Variants in PRMT1 observed in about 807,000 individuals in gnomAD.
The protein encoded by PRMT1 is protein arginine methyltransferase 1.
In PRMT1, 5 loss-of-function variants were observed where a neutral mutation model predicts 47.4. The ratio of observed to expected loss-of-function variants is 0.11; its 90% CI spans 0.06 to 0.22. PRMT1 has a LOEUF of 0.22. PRMT1 is among the 10% of genes least tolerant of loss of function. The pLI is 1.00. For synonymous variants in PRMT1, 227 were observed against 204.6 expected, an observed-to-expected ratio of 1.11 and a Z score of -0.94; for missense variants, 249 against 518.4, an observed-to-expected ratio of 0.48 and a Z score of 5.05.
chr19:49,684,879 G>A lies in PRMT1; in HGVS notation c.643+38G>A, dbSNP rs1432510696. 1.2e-6 allele frequency: 2 copies of A among 1,610,168 alleles called. No individual in the cohort carries two copies. The highest frequency in any genetic ancestry group is 1.7e-6 in the Non-Finnish European group (2 of 1,177,534). On this transcript the variant is annotated intron_variant, in intron 7 of 10. Transcript: ENST00000454376. The surrounding 1 kb of genome is among the most constrained non-coding windows in gnomAD (Gnocchi z 6.2). ...CGGGAGCTGGCGGGCGGGGCCTCGGGTGGGCTGCTGCGGGCTCACCCCCTC... is the reference window on the plus strand; with the variant it reads ...CGGGAGCTGGCGGGCGGGGCCTCGGATGGGCTGCTGCGGGCTCACCCCCTC...
At position 49,684,098 on chromosome 19, in the gene PRMT1, C is replaced by T. The variant is rs753167018; in HGVS notation, c.555+29C>T. 5.2e-5 allele frequency: 84 copies of T among 1,612,258 alleles called. No homozygotes were observed. Among genetic ancestry groups the T allele is most frequent in the South Asian group, 4.7e-4 (43 of 91,028 alleles). On this transcript the variant is annotated intron_variant, in intron 6 of 10. Coordinates refer to ENST00000454376, the MANE Select transcript of PRMT1 (RefSeq NM_001536.6). The surrounding 1 kb of genome is among the most constrained non-coding windows in gnomAD (Gnocchi z 6.2). ...AGGCCCCAGCGGGACGGGTGCAGCT[C>T]GCGTGGGCTGGGGTCCAGGTAGAAG...
Position 49,685,531 on chromosome 19 carries a change from T to C in PRMT1, c.759+494T>C. The C allele has an allele frequency of 9.8e-7, 1 of 1,021,042 alleles. No homozygotes were observed. Among genetic ancestry groups the C allele is most frequent in the Non-Finnish European group, 1.2e-6 (1 of 851,110 alleles). The allele number at this position is 1,021,042 out of a possible 1,614,324, so 63.2% of individuals were successfully genotyped here. On this transcript the variant is annotated intron_variant, in intron 8 of 10. Transcript: ENST00000454376. The surrounding 1 kb of genome is among the most constrained non-coding windows in gnomAD (Gnocchi z 4.7). ...TTTTTTCCTTTTGTTTTTTTTTACT[T>C]CTGAGACCCTGTTTAAAAAAAAAAA...
At position 49,679,911 on chromosome 19, in the gene PRMT1, C is replaced by A. The variant is rs1310886310; in HGVS notation, c.76C>A (p.Pro26Thr). ...CTTGGCTAATGGGATGAGCCTCCAG[C>A]CGCCTCTTGAAGAAGTAAATATCCT... Reference protein sequence around the residue: ...ATLANGMSLQPPLEEVSCGQA... With the variant: ...ATLANGMSLQTPLEEVSCGQA... The change falls in exon 2 of 11, where the codon CCG becomes ACG. Residue 26 changes from proline (P) to threonine (T), a missense_variant. By Grantham distance (38) the Pro-to-Thr change is conservative (BLOSUM62 -1). Around this residue, in one of 2 missense-constraint regions of PRMT1, gnomAD observed 59 missense variants for 61.7 expected, o/e 0.96. Coordinates refer to ENST00000454376, the MANE Select transcript of PRMT1 (RefSeq NM_001536.6). 6.2e-7 allele frequency: 1 copy of A among 1,612,674 alleles called. No individual in the cohort carries two copies. The highest frequency in any genetic ancestry group is 1.1e-5 in the South Asian group (1 of 90,902).
intron 1 of PRMT1, chr19:49,678,326 G>T (rs924062108): frequency 5.2e-5 from 8 of 152,418 alleles, no homozygotes; most frequent in Admixed American, 2.0e-4. Flanking sequence ...TGAGCCCTGG[G>T]GTCCTGAGAG....
intron 1 of PRMT1, chr19:49,677,599 T>C (rs2082055481): frequency 9.2e-6 from 3 of 324,818 alleles, no homozygotes; most frequent in Admixed American, 1.0e-4. Context: ...CGCTGCGCGG[T>C]GGGTGGGGAG....
rs1310294039 is a variant in PRMT1, at chr19:49,686,702, C to T, written c.1008C>T (p.Gly336=). ...KTGEEIFGTI[G]MRPNAKNNRD... ...GCGAGGAGATCTTCGGCACCATCGG[C>T]ATGCGGCCCAACGCCAAGAACAACG... The change falls in exon 10 of 11, where the codon GGC becomes GGT. Residue 336 remains glycine, a synonymous_variant. Coordinates refer to ENST00000454376, the MANE Select transcript of PRMT1 (RefSeq NM_001536.6). 31 of 1,610,782 alleles carry T rather than the reference C, an allele frequency of 1.9e-5. No individual in the cohort carries two copies. The highest frequency in any genetic ancestry group is 2.5e-5 in the Non-Finnish European group (30 of 1,178,600).
Position 49,681,819 on chromosome 19 carries a change from G to C in PRMT1, c.193-91G>C, listed in dbSNP as rs942966920. 1 of 1,318,066 alleles carries C rather than the reference G, an allele frequency of 7.6e-7. No individual in the cohort carries two copies. The highest frequency in any genetic ancestry group is 1.5e-5 in the African/African-American group (1 of 67,508). 81.6% of individuals were successfully genotyped at this position (1,318,066 alleles called of 1,614,324 possible). Reference sequence around the variant, plus strand: ...GTGCATGGAAGAAAGCGAGAGGGCCGAGCTCTGGCCCTCCGAGCTCTCAGG... The same window carrying C: ...GTGCATGGAAGAAAGCGAGAGGGCCCAGCTCTGGCCCTCCGAGCTCTCAGG... On this transcript the variant is annotated intron_variant, in intron 3 of 10. Coordinates refer to ENST00000454376, the MANE Select transcript of PRMT1 (RefSeq NM_001536.6). The surrounding 1 kb of genome is among the most constrained non-coding windows in gnomAD (Gnocchi z 4.4).
rs556993828 is a variant in PRMT1, at chr19:49,685,858, G to T, written c.760-235G>T. ...GGACAGAGTTAGGGTGGCACTGCCA[G>T]GTTTGGGTGTTGGAGAGGAGGGAGC... On this transcript the variant is annotated intron_variant, in intron 8 of 10. Coordinates refer to ENST00000454376, the MANE Select transcript of PRMT1 (RefSeq NM_001536.6). The surrounding 1 kb of genome is among the most constrained non-coding windows in gnomAD (Gnocchi z 4.7). 2 of 1,378,722 alleles carry T rather than the reference G, an allele frequency of 1.5e-6. No homozygotes were observed. The highest frequency in any genetic ancestry group is 3.2e-5 in the South Asian group (2 of 62,680). 85.4% of individuals were successfully genotyped at this position (1,378,722 alleles called of 1,614,324 possible). A position where few individuals can be genotyped will look rare whatever the true frequency, so the allele number is the denominator to read the frequency against.
Position 49,682,037 on chromosome 19 carries a change from C to T in PRMT1, c.320C>T (p.Ala107Val), listed in dbSNP as rs1232655865. 6.2e-7 allele frequency: 1 copy of T among 1,614,046 alleles called. No homozygotes were observed. The highest frequency in any genetic ancestry group is 1.3e-5 in the African/African-American group (1 of 74,944). Residue 107 changes from alanine to valine, a missense_variant, in exon 4 of 11, where the codon GCC becomes GTC. Coordinates refer to ENST00000454376, the MANE Select transcript of PRMT1 (RefSeq NM_001536.6). Reference sequence around the variant, plus strand: ...ACCGGCATCCTCTGCATGTTTGCTGCCAAGGCCGGGGCCCGCAAGGTCATC... The same window carrying T: ...ACCGGCATCCTCTGCATGTTTGCTGTCAAGGCCGGGGCCCGCAAGGTCATC... ...SGTGILCMFA[A>V]KAGARKVIGI...
Position 49,684,082 on chromosome 19 carries a change from C to T in PRMT1, c.555+13C>T, listed in dbSNP as rs202145543. ...GGACAAGTGGCTGGTGAGGCCCCAGCGGGACGGGTGCAGCTCGCGTGGGCT... is the reference window on the plus strand; with the variant it reads ...GGACAAGTGGCTGGTGAGGCCCCAGTGGGACGGGTGCAGCTCGCGTGGGCT... On this transcript the variant is annotated intron_variant, in intron 6 of 10. Transcript: ENST00000454376. This position sits in a 1 kb window ranked among gnomAD's most constrained non-coding sequence, Gnocchi z 6.2. 9.7e-5 allele frequency: 156 copies of T among 1,613,786 alleles called. No homozygotes were observed. The highest frequency in any genetic ancestry group is 9.3e-4 in the South Asian group (85 of 91,070).
In PRMT1 at chr19:49,677,273, G is replaced by A. The variant is rs1379324397; in HGVS notation, c.-8G>A. ...TGGCGGCCGGAGGAGGAGTAGGTGC[G>A]GGTGAAGATGGCGGCAGCCGAGGCC... is the stretch of plus-strand genomic sequence containing the variant. On this transcript the variant is annotated 5_prime_UTR_variant, in exon 1 of 11. Coordinates refer to ENST00000454376, the MANE Select transcript of PRMT1 (RefSeq NM_001536.6). The A allele has an allele frequency of 7.0e-7, 1 of 1,420,126 alleles. No homozygotes were observed. Among genetic ancestry groups the A allele is most frequent in the Non-Finnish European group, 9.2e-7 (1 of 1,083,642 alleles). The allele number at this position is 1,420,126 out of a possible 1,614,324, so 88.0% of individuals were successfully genotyped here.
At chr19:49,682,293 G>A in intron 5 of PRMT1, 34 bp downstream of exon 5, 1 of 1,605,212 alleles carries the variant, frequency 6.2e-7, no homozygotes, top group Middle Eastern at 2.2e-4. Flanking sequence ...TTGTGGGAGT[G>A]GAGGGGGTGA....
Position 49,686,617 on chromosome 19 carries a change from C to T in PRMT1, c.923C>T (p.Pro308Leu). The T allele has an allele frequency of 6.2e-7, 1 of 1,611,294 alleles. No individual in the cohort carries two copies. ...CCCGCGCCCCCAGGCCCCGAGTCCC[C>T]GTACACGCACTGGAAGCAGACGGTG... is the stretch of plus-strand genomic sequence containing the variant. ...RTGFSTSPESPYTHWKQTVFY... is the reference protein window; with the variant it reads ...RTGFSTSPESLYTHWKQTVFY... Residue 308 changes from proline to leucine, a missense_variant, in exon 10 of 11, where the codon CCG becomes CTG. By Grantham distance (98) the Pro-to-Leu change is moderately conservative. Coordinates refer to ENST00000454376, the MANE Select transcript of PRMT1 (RefSeq NM_001536.6).
rs971666789 is a variant in PRMT1, at chr19:49,685,812, C to T, written c.760-281C>T. 23 of 1,245,254 alleles carry T rather than the reference C, an allele frequency of 1.8e-5. No individual in the cohort carries two copies. Among genetic ancestry groups the T allele is most frequent in the Middle Eastern group, 3.2e-4 (1 of 3,120 alleles). The allele number at this position is 1,245,254 out of a possible 1,614,324, so 77.1% of individuals were successfully genotyped here. A position where few individuals can be genotyped will look rare whatever the true frequency, so the allele number is the denominator to read the frequency against. On this transcript the variant is annotated intron_variant, in intron 8 of 10. Coordinates refer to ENST00000454376, the MANE Select transcript of PRMT1 (RefSeq NM_001536.6). The surrounding 1 kb of genome is among the most constrained non-coding windows in gnomAD (Gnocchi z 4.7). Reference sequence around the variant, plus strand: ...GGGTTGGGGAGACAGTGGAGTGGGGCGCCTGCATTCTAGGAGGTCTGGACA... The same window carrying T: ...GGGTTGGGGAGACAGTGGAGTGGGGTGCCTGCATTCTAGGAGGTCTGGACA...
rs201715451 is a variant in PRMT1 at position 49,684,848 on chromosome 19, G to T, written c.643+7G>T. 1.9e-6 allele frequency: 3 copies of T among 1,612,304 alleles called. No homozygotes were observed. The highest frequency in any genetic ancestry group is 2.5e-6 in the Non-Finnish European group (3 of 1,178,940). On this transcript the variant is annotated splice_region_variant and intron_variant, in intron 7 of 10. Transcript: ENST00000454376. The surrounding 1 kb of genome is among the most constrained non-coding windows in gnomAD (Gnocchi z 6.2). ...AAAGACTACAAGATCCACTGTGAGC[G>T]CGGCCCGGGAGCTGGCGGGCGGGGC...
chr19:49,687,568 C>T (rs1029221098), intron 10 of PRMT1, among the ~76,000 whole-genome samples: 37 of 151,458 alleles, frequency 2.4e-4, no homozygotes, highest in Non-Finnish European at 2.2e-4. Flanking sequence ...GTTGTCACTC[C>T]GGAGAAGGGG....
Position 49,682,011 on chromosome 19 carries a change from C to T in PRMT1, c.294C>T (p.Gly98=). ...AGGTGGTGCTGGACGTCGGCTCGGG[C>T]ACCGGCATCCTCTGCATGTTTGCTG... ...KDKVVLDVGS[G]TGILCMFAAK... Residue 98 remains glycine (G), a synonymous_variant, in exon 4 of 11, where the codon GGC becomes GGT. Transcript: ENST00000454376. 4 of 1,614,174 alleles carry T rather than the reference C, an allele frequency of 2.5e-6. No homozygotes were observed. The highest frequency in any genetic ancestry group is 2.2e-5 in the East Asian group (1 of 44,882).
rs1599948985 is a variant in PRMT1 at position 49,685,378 on chromosome 19, G to A, written c.759+341G>A. ...GCCACTGCAGAAGAGCACGGGGCCA[G>A]GCTGGGCTCCGAGATGTGCCTGAGG... is the stretch of plus-strand genomic sequence containing the variant. On this transcript the variant is annotated intron_variant, in intron 8 of 10. Coordinates refer to ENST00000454376, the MANE Select transcript of PRMT1 (RefSeq NM_001536.6). This position sits in a 1 kb window ranked among gnomAD's most constrained non-coding sequence, Gnocchi z 4.7. 4.8e-6 allele frequency: 6 copies of A among 1,245,438 alleles called. No homozygotes were observed. The highest frequency in any genetic ancestry group is 4.8e-5 in the South Asian group (3 of 62,500). The allele number at this position is 1,245,438 out of a possible 1,614,324, so 77.1% of individuals were successfully genotyped here.
At chr19:49,683,736 T>A (rs2122984463) in intron 5 of PRMT1, 191 bp from the exon 6 acceptor site, 11 of 498,040 alleles carry the variant, frequency 2.2e-5, no homozygotes, top group East Asian at 3.8e-5. Context: ...CCAGTCCACA[T>A]AAAATTTCTG....
Sources: allele counts gnomAD v4.1 joint callset (sites outside exome capture counted in the v4.1 genomes callset), GRCh38; gene constraint gnomAD v4.1.1; regional missense constraint gnomAD v4.1.1; non-coding constraint Gnocchi (gnomAD v3.1); transcripts MANE v1.5; gene names NCBI Gene and HGNC (gene_info 2026-07-23, HGNC 2026-07-21).